Variants in C4orf50 observed in about 807,000 individuals in gnomAD.
C4orf50 encodes the protein chromosome 4 open reading frame 50.
Under a neutral mutation model 77.2 loss-of-function variants are expected in C4orf50, and 80 were observed. The ratio of observed to expected loss-of-function variants is 1.04; its 90% CI spans 0.87 to 1.25. C4orf50 has a LOEUF of 1.25. Ranked by LOEUF, C4orf50 falls within the 50% of genes most tolerant of loss-of-function variation. The pLI, the probability that C4orf50 is intolerant of heterozygous loss-of-function variation, is 0.00. For synonymous variants in C4orf50, 532 were observed against 465.3 expected (o/e 1.14, Z -1.84); for missense variants, 1,257 against 1,152.9 (o/e 1.09, Z -1.31).
chr4:5,912,786 C>A, intron 7 of C4orf50, among the ~76,000 whole-genome samples: 1 of 152,194 alleles, frequency 6.6e-6, no homozygotes, highest in Admixed American at 6.5e-5. Flanking sequence ...GGAGGCAAGC[C>A]TGAGCATGCC....
intron 7 of C4orf50, among the ~76,000 whole-genome samples, chr4:5,912,311 C>T (rs1406160590): frequency 6.7e-6 from 1 of 148,356 alleles, no homozygotes; most frequent in East Asian, 1.9e-4. Flanking sequence ...GGAAGACATA[C>T]ATGTAAGAAT....
exon 34 of C4orf50, chr4:5,959,162 T>A (rs535988080): frequency 5.8e-5 from 34 of 583,878 alleles, no homozygotes; most frequent in Non-Finnish European, 8.8e-5. Context: ...TGCCTTGACA[T>A]TGCCAAAGCC....
intron 7 of C4orf50, among the ~76,000 whole-genome samples, chr4:5,934,464 C>G (rs80204464): frequency 0.056 from 8,523 of 152,234 alleles, 720 homozygotes; most frequent in African/African-American, 0.18. Flanking sequence ...AAGCTCCAGG[C>G]TCGCTGGTCT....
chr4:5,916,114 C>A lies in C4orf50; in HGVS notation c.*2475-17926G>T, dbSNP rs1717018587. On this transcript the variant is annotated intron_variant, in intron 7 of 7. Coordinates refer to the C4orf50 transcript ENST00000324058. The surrounding 1 kb of genome is among the most constrained non-coding windows in gnomAD (Gnocchi z 4.4). The stretch of plus-strand genomic sequence containing the variant: ...AGAGCTCAGCTCCACACAGTAGTGA[C>A]CAGGGACCCAAGCATTGCCAAGAAG... Among the ~76,000 whole-genome samples the A allele has an allele frequency of 6.6e-6, 1 of 152,148 alleles. No individual in the cohort carries two copies.
At chr4:5,953,165 T>C, downstream of C4orf50, among the ~76,000 whole-genome samples, 1 of 152,138 alleles carries the variant, frequency 6.6e-6, no homozygotes, top group East Asian at 1.9e-4. Context: ...CGCGACTTAC[T>C]GTGGCATGGA....
chr4:5,950,365 C>T (rs28549075), intron 7 of C4orf50, among the ~76,000 whole-genome samples: 68,714 of 152,048 alleles, frequency 0.45, 17,912 homozygotes, highest in African/African-American at 0.72. Flanking sequence ...TAGCTTTACT[C>T]TGAAATAATA....
intron 25 of C4orf50, among the ~76,000 whole-genome samples, chr4:5,996,467 G>A (rs1189664146): frequency 3.4e-5 from 4 of 117,444 alleles, no homozygotes; most frequent in African/African-American, 6.5e-5. Flanking sequence ...CACCACCCAC[G>A]TCTGTGCTCC....
Position 5,919,836 on chromosome 4 carries a change from G to T in C4orf50, c.*2475-21648C>A, listed in dbSNP as rs1301957996. Among the ~76,000 whole-genome samples the T allele has an allele frequency of 1.3e-5, 2 of 152,132 alleles. No homozygotes were observed. Among genetic ancestry groups the T allele is most frequent in the East Asian group, 3.9e-4 (2 of 5,182 alleles). On this transcript the variant is annotated intron_variant, in intron 7 of 7. Coordinates refer to the C4orf50 transcript ENST00000324058. The surrounding 1 kb of genome is among the most constrained non-coding windows in gnomAD (Gnocchi z 6.5). Reference sequence around the variant, plus strand: ...TTCACCAGAATCAACTCTGAAATAGGGGTTTCTTCGGGCACAGGTGGCCCT... The same window carrying T: ...TTCACCAGAATCAACTCTGAAATAGTGGTTTCTTCGGGCACAGGTGGCCCT...
intron 25 of C4orf50, among the ~76,000 whole-genome samples, chr4:5,998,084 C>A (rs1472886277): frequency 6.6e-6 from 1 of 152,174 alleles, no homozygotes; most frequent in African/African-American, 2.4e-5. Flanking sequence ...CAGGCATAAA[C>A]CTTTTTTAAA....
chr4:5,994,376 T>C (rs1721459697), exon 26 of C4orf50: 2 of 399,198 alleles, frequency 5.0e-6, no homozygotes, highest in Admixed American at 4.4e-5. Context: ...GGGTGCATCA[T>C]TGGACCGCAG....
At chr4:5,914,516 T>G (rs1716953292) in intron 7 of C4orf50, among the ~76,000 whole-genome samples, 1 of 152,208 alleles carries the variant, frequency 6.6e-6, no homozygotes, top group Non-Finnish European at 1.5e-5. Context: ...TTATGGGTTT[T>G]AATGTTTTCT....
chr4:5,936,574 A>AAAG (rs1553913972), intron 7 of C4orf50, among the ~76,000 whole-genome samples: 1 of 150,754 alleles, frequency 6.6e-6, no homozygotes, highest in Non-Finnish European at 1.5e-5. Context: ...AAAAAAAAAA[A>AAAG]AAAAAAAAAG....
intron 29 of C4orf50, among the ~76,000 whole-genome samples, chr4:5,977,634 G>C (rs1363871634): frequency 6.6e-6 from 1 of 152,134 alleles, no homozygotes; most frequent in Non-Finnish European, 1.5e-5. Flanking sequence ...CTGTTTCTTT[G>C]TTTTACAAAG....
chr4:5,999,471 A>T (rs543535322), intron 25 of C4orf50, among the ~76,000 whole-genome samples: 42 of 152,300 alleles, frequency 2.8e-4, no homozygotes, highest in African/African-American at 1.0e-3. Flanking sequence ...TGTGGTACAC[A>T]TCTCTGGGAC....
At chr4:5,986,537 CA>C (rs1720870381) in intron 28 of C4orf50, among the ~76,000 whole-genome samples, 1 of 121,514 alleles carries the variant, frequency 8.2e-6, no homozygotes, top group African/African-American at 3.3e-5. Context: ...ATAACAACGT[CA>C]TTTTTTTTTT....
chr4:5,911,904 G>A (rs985180953), intron 7 of C4orf50, among the ~76,000 whole-genome samples: 1 of 152,150 alleles, frequency 6.6e-6, no homozygotes, highest in African/African-American at 2.4e-5. Context: ...AAATTAGCTG[G>A]GGATGGTGGT....
intron 28 of C4orf50, among the ~76,000 whole-genome samples, chr4:5,983,205 G>C (rs1720691868): frequency 6.6e-6 from 1 of 152,148 alleles, no homozygotes. Flanking sequence ...ATTGTTCTTA[G>C]AGCAGACAGA....
chr4:5,980,140 G>C, intron 29 of C4orf50, 34 bp downstream of exon 7: 1 of 1,534,454 alleles, frequency 6.5e-7, no homozygotes, highest in South Asian at 1.2e-5. Context: ...GGGAGCCCTG[G>C]CTGACAAGAG....
chr4:5,912,256 C>CGT (rs58017259), intron 7 of C4orf50, among the ~76,000 whole-genome samples: 2,480 of 146,412 alleles, frequency 0.017, 49 homozygotes, highest in African/African-American at 0.05. Flanking sequence ...GCACTCCACT[C>CGT]GTGTGTGTGT....
Sources: allele counts gnomAD v4.1 joint callset (sites outside exome capture counted in the v4.1 genomes callset), GRCh38; gene constraint gnomAD v4.1.1; non-coding constraint Gnocchi (gnomAD v3.1); transcripts MANE v1.5; gene names NCBI Gene and HGNC (gene_info 2026-07-23, HGNC 2026-07-21).